Variants in UGT1A10 observed in about 807,000 individuals in gnomAD.
The protein encoded by UGT1A10 is UDP glucuronosyltransferase family 1 member A10.
UGT1A10 carries 49 observed loss-of-function variants against 45.8 expected under a neutral mutation model. The observed-to-expected ratio is 1.07, with a 90% CI of 0.85 to 1.36. The LOEUF (loss-of-function observed/expected upper bound fraction) is 1.36. Ranked by LOEUF, UGT1A10 falls within the 40% of genes most tolerant of loss-of-function variation. The pLI, the probability that UGT1A10 is intolerant of heterozygous loss-of-function variation, is 0.00. For synonymous variants in UGT1A10, 284 were observed against 249.7 expected (o/e 1.14, Z -1.29); for missense variants, 745 against 668.6 (o/e 1.11, Z -1.26).
At chr2:233,732,357 TC>T (rs2078264075) in intron 1 of UGT1A10, among the ~76,000 whole-genome samples, 1 of 152,282 alleles carries the variant, frequency 6.6e-6, no homozygotes, top group South Asian at 2.1e-4. Flanking sequence ...AGTCATGAAG[TC>T]CTGGCCCATG....
intron 1 of UGT1A10, chr2:233,690,588 G>GAAAA: frequency 8.9e-7 from 1 of 1,125,264 alleles, no homozygotes; most frequent in Non-Finnish European, 1.2e-6. Flanking sequence ...CAATCCCTGA[G>GAAAA]AAAAAAAAAA....
chr2:233,732,318 G>A (rs1386419482), intron 1 of UGT1A10, among the ~76,000 whole-genome samples: 3 of 152,170 alleles, frequency 2.0e-5, no homozygotes, highest in African/African-American at 7.2e-5. Flanking sequence ...GTCTATTTTG[G>A]CTTTTGTTGC....
intron 1 of UGT1A10, among the ~76,000 whole-genome samples, chr2:233,684,966 G>A (rs543778082): frequency 2.0e-4 from 30 of 152,256 alleles, no homozygotes; most frequent in Non-Finnish European, 3.8e-4. Flanking sequence ...TGAAAAGAAA[G>A]CATTGCTTGA....
intron 1 of UGT1A10, among the ~76,000 whole-genome samples, chr2:233,730,853 A>G (rs560522362): frequency 1.1e-4 from 17 of 152,196 alleles, no homozygotes; most frequent in Non-Finnish European, 2.1e-4. Context: ...ACATCACCAA[A>G]CCCACCCTAC....
chr2:233,672,726 C>T (rs757168993), intron 1 of UGT1A10: 15 of 1,613,748 alleles, frequency 9.3e-6, no homozygotes, highest in South Asian at 3.3e-5. Context: ...ATCCCAAACC[C>T]GTGATGCCCA....
chr2:233,729,516 G>T, intron 1 of UGT1A10: 1 of 1,614,186 alleles, frequency 6.2e-7, no homozygotes, highest in Non-Finnish European at 8.5e-7. Context: ...CTTGTGTGGA[G>T]CTACTACATA....
rs780164173 is a variant in UGT1A10 at position 233,637,210 on chromosome 2, A to C, written c.688A>C (p.Ile230Leu). The change falls in exon 1 of 5, where the codon ATA becomes CTA. Residue 230 changes from isoleucine (I) to leucine (L), a missense_variant. Physicochemically the swap from Ile to Leu is conservative, Grantham distance 5. Transcript: ENST00000344644. ...GTATCTTTTTAGAAATGCCCTAGAAATAGCCTCTGAAATTCTCCAAACCCC... is the reference window on the plus strand; with the variant it reads ...GTATCTTTTTAGAAATGCCCTAGAACTAGCCTCTGAAATTCTCCAAACCCC... ...CQYLFRNALE[I>L]ASEILQTPVT... 6.2e-6 allele frequency: 10 copies of C among 1,613,808 alleles called. No individual in the cohort carries two copies. The highest frequency in any genetic ancestry group is 3.4e-6 in the Non-Finnish European group (4 of 1,179,864).
intron 1 of UGT1A10, among the ~76,000 whole-genome samples, chr2:233,685,353 A>C (rs1228516617): frequency 6.6e-6 from 1 of 152,132 alleles, no homozygotes; most frequent in Non-Finnish European, 1.5e-5. Flanking sequence ...TTTAATGAGA[A>C]AAAAAGAAAA....
At chr2:233,657,203 C>T (rs1170305683) in intron 1 of UGT1A10, among the ~76,000 whole-genome samples, 3 of 152,236 alleles carry the variant, frequency 2.0e-5, no homozygotes, top group African/African-American at 7.2e-5. Flanking sequence ...CCTTTCCTGG[C>T]TCATGGGCTT....
chr2:233,653,250 T>C (rs1031472905), intron 1 of UGT1A10, among the ~76,000 whole-genome samples: 1 of 152,198 alleles, frequency 6.6e-6, no homozygotes, highest in Non-Finnish European at 1.5e-5. Context: ...TTGAAAAACA[T>C]ATAAAAACAC....
intron 1 of UGT1A10, among the ~76,000 whole-genome samples, chr2:233,727,889 C>A (rs906385439): frequency 1.3e-5 from 2 of 152,172 alleles, no homozygotes; most frequent in African/African-American, 4.8e-5. Flanking sequence ...CAATGGCAGA[C>A]ACGGCCAGGC....
chr2:233,682,480 A>C (rs200477397), intron 1 of UGT1A10: 29 of 1,613,824 alleles, frequency 1.8e-5, no homozygotes, highest in Non-Finnish European at 2.4e-5. Context: ...AAGAAGGTGC[A>C]CAGTGCCCTG....
In UGT1A10 at chr2:233,769,743, C is replaced by T. The variant is rs1376344823; in HGVS notation, c.1295+1304C>T. Reference sequence around the variant, plus strand: ...CATGGCACACGCCTGTAGTCCCAGCCACTCTGGAGGCTAAGGCGGGAGGAT... The same window carrying T: ...CATGGCACACGCCTGTAGTCCCAGCTACTCTGGAGGCTAAGGCGGGAGGAT... On this transcript the variant is annotated intron_variant, in intron 4 of 4. Coordinates refer to ENST00000344644, the MANE Select transcript of UGT1A10 (RefSeq NM_019075.4). The surrounding 1 kb of genome is among the most constrained non-coding windows in gnomAD (Gnocchi z 4.4). The T allele has an allele frequency of 1.2e-5, 17 of 1,445,490 alleles. No homozygotes were observed. The East Asian group carries it at 4.3e-4, about 36-fold the overall frequency. 89.5% of individuals were successfully genotyped at this position (1,445,490 alleles called of 1,614,324 possible).
At chr2:233,756,397 G>GT (rs1005447677) in intron 1 of UGT1A10, 19 of 151,974 alleles carry the variant, frequency 1.3e-4, no homozygotes, top group Admixed American at 5.2e-4. Flanking sequence ...TACAGTATTG[G>GT]TTTTTTATTT....
chr2:233,681,775 G>A (rs372304143), intron 1 of UGT1A10: 2 of 917,158 alleles, frequency 2.2e-6, no homozygotes, highest in Non-Finnish European at 2.6e-6. Context: ...GGCTACTCAT[G>A]TATTATTATG....
At chr2:233,768,043 A>G in intron 3 of UGT1A10, 107 bp downstream of exon 3, 1 of 1,608,218 alleles carries the variant, frequency 6.2e-7, no homozygotes, top group Non-Finnish European at 8.5e-7. Flanking sequence ...ATTATGGCCA[A>G]CATATCCTAC....
intron 1 of UGT1A10, among the ~76,000 whole-genome samples, chr2:233,695,505 G>A (rs1425360568): frequency 3.3e-5 from 5 of 151,594 alleles, no homozygotes; most frequent in Non-Finnish European, 7.4e-5. Context: ...AGTTTTTGGA[G>A]TATTACAAAT....
At chr2:233,682,476 G>C (rs1043406575) in intron 1 of UGT1A10, 1 of 1,613,894 alleles carries the variant, frequency 6.2e-7, no homozygotes, top group Non-Finnish European at 8.5e-7. Context: ...CTTGAAGAAG[G>C]TGCACAGTGC....
intron 1 of UGT1A10, chr2:233,743,719 G>A (rs757280255): frequency 2.2e-6 from 3 of 1,367,368 alleles, no homozygotes; most frequent in East Asian, 9.1e-5. Context: ...CGCCATAGCG[G>A]TCATAGATAT....
Sources: allele counts gnomAD v4.1 joint callset (sites outside exome capture counted in the v4.1 genomes callset), GRCh38; gene constraint gnomAD v4.1.1; non-coding constraint Gnocchi (gnomAD v3.1); transcripts MANE v1.5; gene names NCBI Gene and HGNC (gene_info 2026-07-23, HGNC 2026-07-21).